The following SERBP1 variants were observed in gnomAD, a reference collection of about 807,000 sequenced individuals.
SERBP1 encodes the protein SERPINE1 mRNA binding protein 1.
In SERBP1, 6 loss-of-function variants were observed where a neutral mutation model predicts 50.2. The observed-to-expected ratio is 0.12, with a 90% CI of 0.07 to 0.24. SERBP1 has a LOEUF of 0.24. Among genes scored for constraint, SERBP1 ranks in the 10% least tolerant of loss-of-function variants. The pLI, the probability that SERBP1 is intolerant of heterozygous loss-of-function variation, is 1.00. For missense variants in SERBP1, 346 were observed against 524.9 expected (o/e 0.66, Z 3.33); for synonymous variants, 168 against 182.8 (o/e 0.92, Z 0.65).
At chr1:67,421,740 G>A (rs1667203881) in intron 5 of SERBP1, among the ~76,000 whole-genome samples, 1 of 152,116 alleles carries the variant, frequency 6.6e-6, no homozygotes, top group Non-Finnish European at 1.5e-5. Context: ...GATCACTTGA[G>A]GCCAGGAGTT....
intron 5 of SERBP1, chr1:67,420,612 A>G (rs1667169052): frequency 6.5e-6 from 1 of 153,666 alleles, no homozygotes; most frequent in East Asian, 1.9e-4. Context: ...CAAGAAGGTA[A>G]TCCTCTAGGA....
intron 6 of SERBP1, chr1:67,419,783 G>T: frequency 2.0e-6 from 1 of 511,008 alleles, no homozygotes; most frequent in South Asian, 2.4e-5. Flanking sequence ...TTAGGAAAAA[G>T]TAACTCTACC....
chr1:67,421,433 T>G (rs1357111020), intron 5 of SERBP1, among the ~76,000 whole-genome samples: 2 of 152,228 alleles, frequency 1.3e-5, no homozygotes, highest in Non-Finnish European at 2.9e-5. Context: ...TTGTGTTTCT[T>G]AAATTTATAC....
chr1:67,421,948 A>C (rs1202801314), intron 5 of SERBP1, among the ~76,000 whole-genome samples: 1 of 152,192 alleles, frequency 6.6e-6, no homozygotes, highest in Non-Finnish European at 1.5e-5. Context: ...AGAAACAAAA[A>C]AAAGTTGTGT....
chr1:67,417,241 A>G (rs1180226645), intron 6 of SERBP1: 1 of 152,232 alleles, frequency 6.6e-6, no homozygotes, highest in African/African-American at 2.4e-5. Flanking sequence ...ATATATACTA[A>G]AAGTGGAACA....
chr1:67,416,120 C>G (rs1476782974), intron 6 of SERBP1, among the ~76,000 whole-genome samples: 1 of 151,806 alleles, frequency 6.6e-6, no homozygotes, highest in Non-Finnish European at 1.5e-5. Context: ...TCAAGCGATC[C>G]TCCCACCTCA....
Position 67,430,371 on chromosome 1 carries a change from G to T in SERBP1, c.-71C>A. 1 of 1,445,596 alleles carries T rather than the reference G, an allele frequency of 6.9e-7. No individual in the cohort carries two copies. Among genetic ancestry groups the T allele is most frequent in the Non-Finnish European group, 9.2e-7 (1 of 1,081,660 alleles). 89.5% of individuals were successfully genotyped at this position (1,445,596 alleles called of 1,614,324 possible). A position where few individuals can be genotyped will look rare whatever the true frequency, so the allele number is the denominator to read the frequency against. ...CGCCGAGCCAAGAGCGCCTGCTTCA[G>T]CTCTTCCCACAAGATGGCCGGGCCG... is the stretch of plus-strand genomic sequence containing the variant. On this transcript the variant is annotated 5_prime_UTR_variant, in exon 1 of 8. In the 5' UTR this introduces an upstream ATG that the reference lacks. Coordinates refer to ENST00000361219, the MANE Select transcript of SERBP1 (RefSeq NM_001018069.2).
chr1:67,417,270 T>G (rs959662807), intron 6 of SERBP1: 1 of 152,186 alleles, frequency 6.6e-6, no homozygotes, highest in African/African-American at 2.4e-5. Context: ...ATTATTAGCA[T>G]GATCCCCACA....
In SERBP1 at chr1:67,412,437, G is replaced by C. The variant is rs561513737; in HGVS notation, c.*770C>G. On this transcript the variant is annotated 3_prime_UTR_variant, in exon 8 of 8. Transcript: ENST00000361219. ...CAACTTTCACCAATTAAGATGTCTA[G>C]TTTAGATTTTAAAATGGGAAACTCA... 2 of 152,626 alleles carry C rather than the reference G, an allele frequency of 1.3e-5. No individual in the cohort carries two copies. The highest frequency in any genetic ancestry group is 1.3e-4 in the Admixed American group (2 of 15,296). 9.5% of individuals were successfully genotyped at this position (152,626 alleles called of 1,614,324 possible).
In SERBP1 at chr1:67,428,839, G is replaced by C. The variant is rs139541830; in HGVS notation, c.313+1149C>G. Among the ~76,000 whole-genome samples the C allele has an allele frequency of 2.0e-5, 3 of 151,746 alleles. No individual in the cohort carries two copies. In the East Asian group the frequency reaches 5.8e-4, roughly 29 times the overall value. ...TACAGAATTCAACTAAAGCTAAAGAGAAACAACTCCTTTCAGAGAAGCACG... is the reference window on the plus strand; with the variant it reads ...TACAGAATTCAACTAAAGCTAAAGACAAACAACTCCTTTCAGAGAAGCACG... On this transcript the variant is annotated intron_variant, in intron 1 of 7. Transcript: ENST00000361219.
chr1:67,419,874 C>A, intron 6 of SERBP1, 135 bp downstream of exon 6: 2 of 714,910 alleles, frequency 2.8e-6, no homozygotes, highest in African/African-American at 1.8e-5. Context: ...CCTTATAAAG[C>A]AAATTATCTG....
intron 5 of SERBP1, 84 bp downstream of exon 5, chr1:67,424,116 G>T: frequency 1.4e-6 from 2 of 1,380,596 alleles, no homozygotes; most frequent in African/African-American, 1.5e-5. Flanking sequence ...TCAAGTAACA[G>T]CATTAAATCT....
chr1:67,422,856 G>A (rs1667244185), intron 5 of SERBP1, among the ~76,000 whole-genome samples: 1 of 152,102 alleles, frequency 6.6e-6, no homozygotes, highest in Non-Finnish European at 1.5e-5. Flanking sequence ...AGTTACTCGG[G>A]AGGGTGAGGC....
At chr1:67,413,723 A>C (rs2100410047) in intron 7 of SERBP1, among the ~76,000 whole-genome samples, 1 of 152,310 alleles carries the variant, frequency 6.6e-6, no homozygotes, top group South Asian at 2.1e-4. Context: ...GGATCACAAA[A>C]AAACTACAAG....
intron 6 of SERBP1, chr1:67,417,204 G>GT (rs1412202620): frequency 7.2e-5 from 11 of 152,122 alleles, no homozygotes; most frequent in Admixed American, 7.2e-4. Flanking sequence ...AAAATAAAGT[G>GT]TATGAGGGAG....
intron 1 of SERBP1, chr1:67,429,305 G>A (rs1230746322): frequency 6.6e-6 from 1 of 152,190 alleles, no homozygotes; most frequent in Non-Finnish European, 1.5e-5. Context: ...CATAATTCCC[G>A]CTCCTGGTTA....
At chr1:67,419,955 A>G in intron 6 of SERBP1, 54 bp downstream of exon 6, 1 of 1,500,340 alleles carries the variant, frequency 6.7e-7, no homozygotes, top group Non-Finnish European at 9.2e-7. Flanking sequence ...AAAATTATAA[A>G]TACAATTCAA....
At chr1:67,428,136 A>G (rs541260817) in intron 1 of SERBP1, among the ~76,000 whole-genome samples, 1 of 152,324 alleles carries the variant, frequency 6.6e-6, no homozygotes, top group African/African-American at 2.4e-5. Context: ...TGTCCATTCA[A>G]CACTTTTCCT....
At chr1:67,427,950 AAATT>A (rs1365161057) in intron 1 of SERBP1, among the ~76,000 whole-genome samples, 1 of 152,204 alleles carries the variant, frequency 6.6e-6, no homozygotes, top group Non-Finnish European at 1.5e-5. Flanking sequence ...AGAATGTACA[AAATT>A]AATTCATAAA....
Sources: allele counts gnomAD v4.1 joint callset (sites outside exome capture counted in the v4.1 genomes callset), GRCh38; gene constraint gnomAD v4.1.1; transcripts MANE v1.5; gene names NCBI Gene and HGNC (gene_info 2026-07-23, HGNC 2026-07-21).